The following GRM7 variants were observed in gnomAD, a reference collection of about 807,000 sequenced individuals.
GRM7 encodes the protein metabotropic glutamate receptor 7.
Under a neutral mutation model 84.5 loss-of-function variants are expected in GRM7, and 35 were observed. The ratio of observed to expected loss-of-function variants is 0.41; its 90% CI spans 0.32 to 0.55. The LOEUF (loss-of-function observed/expected upper bound fraction) is 0.55, where lower values mean the gene tolerates loss of function less well. Among genes scored for constraint, GRM7 ranks in the 20% least tolerant of loss-of-function variants. GRM7 has a pLI of 0.19. For synonymous variants in GRM7, 487 were observed against 455.1 expected (o/e 1.07, Z -0.89); for missense variants, 1,003 against 1,194.6 (o/e 0.84, Z 2.36).
rs1699371942 is a variant in GRM7 at position 7,284,768 on chromosome 3, A to T, written c.737-13916A>T. ...TATATAACAAAACTATTGTTTACTTAGGGGCATACTATGAACTAAAGTCAT... is the reference window on the plus strand; with the variant it reads ...TATATAACAAAACTATTGTTTACTTTGGGGCATACTATGAACTAAAGTCAT... On this transcript the variant is annotated intron_variant, in intron 2 of 9. Transcript: ENST00000357716. 2.6e-5 allele frequency among the ~76,000 whole-genome samples: 4 copies of T among 152,246 alleles called. No individual in the cohort carries two copies. In the South Asian group the frequency reaches 8.3e-4, roughly 32 times the overall value.
At chr3:7,012,361 A>T (rs1157276600) in intron 1 of GRM7, among the ~76,000 whole-genome samples, 1 of 152,218 alleles carries the variant, frequency 6.6e-6, no homozygotes, top group Admixed American at 6.5e-5. Context: ...AAATCTTCGC[A>T]TTTTAAAAAC....
intron 1 of GRM7, among the ~76,000 whole-genome samples, chr3:6,957,894 C>G (rs1693125805): frequency 6.6e-6 from 1 of 152,158 alleles, no homozygotes; most frequent in South Asian, 2.1e-4. Flanking sequence ...CACTTGGATG[C>G]ATTTTACAAA....
intron 7 of GRM7, among the ~76,000 whole-genome samples, chr3:7,522,615 C>T (rs1700639138): frequency 6.6e-6 from 1 of 152,120 alleles, no homozygotes; most frequent in Non-Finnish European, 1.5e-5. Context: ...GTGTCTACAT[C>T]GCAAGACTTC....
intron 8 of GRM7, among the ~76,000 whole-genome samples, chr3:7,611,577 C>A (rs1696848270): frequency 6.6e-6 from 1 of 152,044 alleles, no homozygotes; most frequent in African/African-American, 2.4e-5. Context: ...CTGAAATGGA[C>A]CTTTGTGATG....
At chr3:7,736,458 T>C (rs1202173771) in intron 9 of GRM7, among the ~76,000 whole-genome samples, 1 of 152,170 alleles carries the variant, frequency 6.6e-6, no homozygotes, top group Non-Finnish European at 1.5e-5. Flanking sequence ...TAGAAAGCTA[T>C]ATAGTTACTA....
chr3:7,575,381 T>TGCGGAG (rs1299080458), intron 7 of GRM7, among the ~76,000 whole-genome samples: 111 of 152,334 alleles, frequency 7.3e-4, no homozygotes, highest in African/African-American at 2.4e-3. Context: ...CTGAAACAGT[T>TGCGGAG]TTGTTGCGGA....
At chr3:7,205,500 G>C (rs774521892) in intron 2 of GRM7, among the ~76,000 whole-genome samples, 2 of 152,162 alleles carry the variant, frequency 1.3e-5, no homozygotes, top group African/African-American at 2.4e-5. Context: ...CACCAAGTGT[G>C]ATTATTAGGC....
rs537692363 is a variant in GRM7, at chr3:7,495,358, C to T, written c.1515+33636C>T. On this transcript the variant is annotated intron_variant, in intron 7 of 9. Transcript: ENST00000357716. ...CTCTAGGTAATGGATGAAAGAAATA[C>T]AACAGTCATGGGCCTGCAGGGACAA... Among the ~76,000 whole-genome samples the T allele has an allele frequency of 2.6e-5, 4 of 152,182 alleles. No individual in the cohort carries two copies. In the South Asian group the frequency reaches 8.3e-4, roughly 32 times the overall value.
chr3:7,234,228 C>T (rs1054027288), intron 2 of GRM7, among the ~76,000 whole-genome samples: 1 of 152,128 alleles, frequency 6.6e-6, no homozygotes, highest in African/African-American at 2.4e-5. Flanking sequence ...CCAAATTTGA[C>T]CTTTTAATGT....
intron 8 of GRM7, among the ~76,000 whole-genome samples, chr3:7,616,733 A>G (rs1253616034): frequency 1.3e-5 from 2 of 152,298 alleles, no homozygotes; most frequent in East Asian, 1.9e-4. Flanking sequence ...TTTGATCACA[A>G]TGGAAAATCC....
At chr3:7,658,481 C>T (rs999598258) in intron 8 of GRM7, among the ~76,000 whole-genome samples, 2 of 152,150 alleles carry the variant, frequency 1.3e-5, no homozygotes, top group Non-Finnish European at 2.9e-5. Context: ...CTCATGCAAT[C>T]TCTGACATTT....
At chr3:7,586,906 A>T (rs781631853) in intron 8 of GRM7, among the ~76,000 whole-genome samples, 1 of 152,236 alleles carries the variant, frequency 6.6e-6, no homozygotes, top group African/African-American at 2.4e-5. Context: ...TATATACTGT[A>T]TGATTCAATT....
At chr3:7,567,841 G>C (rs1385490593) in intron 7 of GRM7, among the ~76,000 whole-genome samples, 1 of 146,534 alleles carries the variant, frequency 6.8e-6, no homozygotes, top group Non-Finnish European at 1.5e-5. Flanking sequence ...GGGTGAGAGG[G>C]TTTTCAAAAT....
chr3:7,401,576 C>T (rs1267900164), intron 4 of GRM7, among the ~76,000 whole-genome samples: 1 of 151,820 alleles, frequency 6.6e-6, no homozygotes, highest in African/African-American at 2.4e-5. Context: ...TCTGCAACAC[C>T]AATTACCTAG....
intron 2 of GRM7, among the ~76,000 whole-genome samples, chr3:7,245,067 G>A (rs1304829450): frequency 6.6e-6 from 1 of 151,844 alleles, no homozygotes; most frequent in Non-Finnish European, 1.5e-5. Flanking sequence ...ATGGCGTACT[G>A]GATATAACAT....
chr3:6,865,237 C>T (rs1419862593), intron 1 of GRM7, among the ~76,000 whole-genome samples: 5 of 152,116 alleles, frequency 3.3e-5, no homozygotes, highest in Non-Finnish European at 5.9e-5. Context: ...TTAATATTGA[C>T]TATAAGTAAC....
chr3:6,996,630 TC>T (rs1474347748), intron 1 of GRM7, among the ~76,000 whole-genome samples: 2 of 152,298 alleles, frequency 1.3e-5, no homozygotes, highest in African/African-American at 4.8e-5. Context: ...ACCCAACTTC[TC>T]CCATGAGTAG....
intron 1 of GRM7, among the ~76,000 whole-genome samples, chr3:7,033,655 T>C (rs772330199): frequency 2.0e-5 from 3 of 152,172 alleles, no homozygotes; most frequent in Non-Finnish European, 4.4e-5. Context: ...TTCTTTTTAC[T>C]TTCTCAAGTC....
Position 7,622,835 on chromosome 3 carries a change from G to A in GRM7, c.2451+43478G>A, listed in dbSNP as rs141526571. Among the ~76,000 whole-genome samples the A allele has an allele frequency of 8.4e-3, 1,277 of 152,242 alleles. 3 individuals carry two copies. Among genetic ancestry groups the A allele is most frequent in the Middle Eastern group, 0.01 (3 of 294 alleles). On this transcript the variant is annotated intron_variant, in intron 8 of 9. Coordinates refer to ENST00000357716, the MANE Select transcript of GRM7 (RefSeq NM_000844.4). ...AGTCCATGAGGGCAGACTGAAACCC[G>A]TGTCCGTGTTATTTCCTCTGACCCT... is the stretch of plus-strand genomic sequence containing the variant.
Sources: gnomAD v4.1 joint callset for allele counts (sites outside exome capture counted in the v4.1 genomes callset) on GRCh38, gnomAD v4.1.1 for gene constraint, MANE v1.5 for transcripts, NCBI Gene and HGNC (gene_info 2026-07-23, HGNC 2026-07-21) for gene names.